The following ADAMTS6 variants were observed in gnomAD, a reference collection of about 807,000 sequenced individuals.
The protein encoded by ADAMTS6 is A disintegrin and metalloproteinase with thrombospondin motifs 6.
ADAMTS6 carries 23 observed loss-of-function variants against 144.3 expected under a neutral mutation model. The ratio of observed to expected loss-of-function variants is 0.16; its 90% CI spans 0.11 to 0.23. The LOEUF is 0.23. Ranked by LOEUF, ADAMTS6 falls within the 10% of genes least tolerant of loss-of-function variation. The pLI is 1.00. For missense variants in ADAMTS6, 999 were observed against 1,379.6 expected (o/e 0.72, Z 4.37); for synonymous variants, 444 against 457.5 (o/e 0.97, Z 0.38).
chr5:65,219,360 C>T (rs56385905), intron 18 of ADAMTS6, among the ~76,000 whole-genome samples: 22,325 of 152,016 alleles, frequency 0.15, 1,726 homozygotes, highest in Non-Finnish European at 0.17. Flanking sequence ...CCCCAACCCC[C>T]CCACCAAACT....
At chr5:65,457,556 A>T in intron 4 of ADAMTS6, among the ~76,000 whole-genome samples, 1 of 152,190 alleles carries the variant, frequency 6.6e-6, no homozygotes, top group Non-Finnish European at 1.5e-5. Context: ...ACTTCAAAAA[A>T]GAATAATTTA....
At chr5:65,324,801 T>G (rs1746008659) in intron 9 of ADAMTS6, among the ~76,000 whole-genome samples, 1 of 152,152 alleles carries the variant, frequency 6.6e-6, no homozygotes, top group Non-Finnish European at 1.5e-5. Flanking sequence ...CATCACTAAC[T>G]TCATTAAACA....
chr5:65,445,837 C>T (rs1358099955), intron 7 of ADAMTS6, among the ~76,000 whole-genome samples: 1 of 152,050 alleles, frequency 6.6e-6, no homozygotes, highest in Admixed American at 6.6e-5. Context: ...TAGTGGGCAA[C>T]AGAGTGAGAG....
In ADAMTS6 at chr5:65,307,953, G is replaced by C. The variant is rs181538880; in HGVS notation, c.1224-7822C>G. On this transcript the variant is annotated intron_variant, in intron 9 of 24. Transcript: ENST00000381055. The stretch of plus-strand genomic sequence containing the variant: ...AGCCTCCCTTGTTCTCCAACCTCTG[G>C]GACATACACTTACAGCAATCCACAG... Among the ~76,000 whole-genome samples, 192 of 152,088 alleles carry C rather than the reference G, an allele frequency of 1.3e-3. 1 individual carries two copies. The highest frequency in any genetic ancestry group is 2.4e-3 in the Non-Finnish European group (162 of 67,990).
At position 65,451,504 on chromosome 5, in the gene ADAMTS6, G is replaced by A. The variant is rs1251570694; in HGVS notation, c.1044C>T (p.Ala348=). ...DGNTIPENGI[A]HHDNAVLITR... ...TAATAAGAACTGCATTATCGTGGTG[G>A]GCAATCCCATTTTCTGGAATGGTGT... The change falls in exon 7 of 25, where the codon GCC becomes GCT. Residue 348 remains alanine (A), a synonymous_variant. Coordinates refer to ENST00000381055, the MANE Select transcript of ADAMTS6 (RefSeq NM_197941.4). 1 of 1,613,642 alleles carries A rather than the reference G, an allele frequency of 6.2e-7. No individual in the cohort carries two copies. The highest frequency in any genetic ancestry group is 8.5e-7 in the Non-Finnish European group (1 of 1,179,792).
chr5:65,349,669 A>G (rs1748664415), intron 7 of ADAMTS6, among the ~76,000 whole-genome samples: 1 of 152,054 alleles, frequency 6.6e-6, no homozygotes, highest in Non-Finnish European at 1.5e-5. Flanking sequence ...AGCCTGGCCA[A>G]TATGGTGAAA....
At chr5:65,449,605 A>T (rs1758580405) in intron 7 of ADAMTS6, among the ~76,000 whole-genome samples, 1 of 152,158 alleles carries the variant, frequency 6.6e-6, no homozygotes, top group Admixed American at 6.5e-5. Flanking sequence ...TGGGCGACAG[A>T]GCAGGACTCC....
At position 65,326,643 on chromosome 5, in the gene ADAMTS6, A is replaced by C. The variant is rs1189758687; in HGVS notation, c.1223+2735T>G. Among the ~76,000 whole-genome samples, 7 of 152,312 alleles carry C rather than the reference A, an allele frequency of 4.6e-5. No homozygotes were observed. The East Asian group carries it at 1.4e-3, about 29-fold the overall frequency. On this transcript the variant is annotated intron_variant, in intron 9 of 24. Transcript: ENST00000381055. ...TGGTCAAATATTCTTCACTGTAATT[A>C]ATCTCCTGATATCATCACGTCACTT...
intron 14 of ADAMTS6, among the ~76,000 whole-genome samples, chr5:65,253,443 T>G (rs989081218): frequency 1.3e-5 from 2 of 152,228 alleles, no homozygotes; most frequent in Non-Finnish European, 2.9e-5. Flanking sequence ...AAAACGCTTA[T>G]GGATTGTTAT....
intron 7 of ADAMTS6, among the ~76,000 whole-genome samples, chr5:65,348,950 T>C (rs1027584352): frequency 6.6e-6 from 1 of 151,208 alleles, no homozygotes; most frequent in Non-Finnish European, 1.5e-5. Flanking sequence ...ACTTGTAATA[T>C]GAAGACGGTT....
intron 21 of ADAMTS6, among the ~76,000 whole-genome samples, chr5:65,196,104 A>T (rs1283830202): frequency 6.6e-6 from 1 of 152,222 alleles, no homozygotes; most frequent in African/African-American, 2.4e-5. Context: ...TAATCAACAG[A>T]AAGAGACTGA....
chr5:65,269,596 T>C (rs1240679898), intron 12 of ADAMTS6, among the ~76,000 whole-genome samples: 2 of 152,172 alleles, frequency 1.3e-5, no homozygotes, highest in Admixed American at 6.5e-5. Flanking sequence ...ATTTCAACTC[T>C]GAAATTAGAA....
At chr5:65,352,487 T>A (rs1281947741) in intron 7 of ADAMTS6, among the ~76,000 whole-genome samples, 1 of 152,110 alleles carries the variant, frequency 6.6e-6, no homozygotes, top group Middle Eastern at 3.4e-3. Flanking sequence ...CTGTTGCTTA[T>A]CCCCATAATT....
At chr5:65,242,075 C>A in intron 15 of ADAMTS6, 29 bp downstream of exon 15, 1 of 1,469,156 alleles carries the variant, frequency 6.8e-7, no homozygotes, top group Non-Finnish European at 9.3e-7. Context: ...AGTGCTCAAG[C>A]ATGAATGCTC....
At chr5:65,429,697 A>G (rs10072030) in intron 7 of ADAMTS6, among the ~76,000 whole-genome samples, 90,077 of 151,780 alleles carry the variant, frequency 0.59, 28,124 homozygotes, top group African/African-American at 0.79. Flanking sequence ...GAAGAAGCCA[A>G]CACTAAATAA....
rs1199072763 is a variant in ADAMTS6 at position 65,227,529 on chromosome 5, G to A, written c.1934-1310C>T. ...TGCTAAAACTTCTATTTGAAATAAA[G>A]AAGACTACTTCTAATAAAGGAAATA... is the stretch of plus-strand genomic sequence containing the variant. On this transcript the variant is annotated intron_variant, in intron 15 of 24. Transcript: ENST00000381055. Among the ~76,000 whole-genome samples the A allele has an allele frequency of 2.6e-5, 4 of 152,038 alleles. No homozygotes were observed. The East Asian group carries it at 7.7e-4, about 29-fold the overall frequency.
chr5:65,379,773 G>A (rs185544827), intron 7 of ADAMTS6, among the ~76,000 whole-genome samples: 126 of 151,696 alleles, frequency 8.3e-4, no homozygotes, highest in African/African-American at 2.5e-3. Flanking sequence ...CTAAACACAC[G>A]CACACACATG....
intron 7 of ADAMTS6, among the ~76,000 whole-genome samples, chr5:65,387,851 T>C (rs1475251994): frequency 6.6e-6 from 1 of 152,220 alleles, no homozygotes; most frequent in Non-Finnish European, 1.5e-5. Flanking sequence ...TTAAATACCA[T>C]AGCATTCTTA....
intron 14 of ADAMTS6, among the ~76,000 whole-genome samples, chr5:65,243,321 T>C (rs1479196698): frequency 6.6e-6 from 1 of 152,080 alleles, no homozygotes; most frequent in Non-Finnish European, 1.5e-5. Context: ...GGACAGTACA[T>C]TGTAAATGGT....
Sources: gnomAD v4.1 joint callset for allele counts (sites outside exome capture counted in the v4.1 genomes callset) on GRCh38, gnomAD v4.1.1 for gene constraint, MANE v1.5 for transcripts, NCBI Gene and HGNC (gene_info 2026-07-23, HGNC 2026-07-21) for gene names.